Variants in DNAH12 observed in about 807,000 individuals in gnomAD.
DNAH12 encodes dynein axonemal heavy chain 12.
Under a neutral mutation model 371.5 loss-of-function variants are expected in DNAH12, and 285 were observed. The observed-to-expected ratio is 0.77, with a 90% CI of 0.70 to 0.85. DNAH12 has a LOEUF of 0.85. Ranked by LOEUF, DNAH12 falls within the 40% of genes least tolerant of loss-of-function variation. The probability of loss-of-function intolerance (pLI) is 0.00; values close to 1 mark genes in which losing one functional copy is unlikely to be tolerated. For missense variants in DNAH12, 3,611 were observed against 3,689.4 expected, an observed-to-expected ratio of 0.98 and a Z score of 0.55; for synonymous variants, 1,200 against 1,213.0, an observed-to-expected ratio of 0.99 and a Z score of 0.22.
intron 69 of DNAH12, among the ~76,000 whole-genome samples, chr3:57,302,529 G>GTTTATATACATATA (rs879293648): frequency 2.1e-5 from 1 of 47,850 alleles, no homozygotes; most frequent in East Asian, 1.2e-3. Context: ...GGCATCAGGT[G>GTTTATATACATATA]TATATATATA....
intron 62 of DNAH12, among the ~76,000 whole-genome samples, chr3:57,332,724 T>C (rs934690205): frequency 5.3e-5 from 8 of 152,148 alleles, no homozygotes; most frequent in African/African-American, 1.9e-4. Context: ...TGCTGAACAC[T>C]ATGGTGTGTA....
In DNAH12 at chr3:57,472,569, G is replaced by T; in HGVS notation, c.1753C>A (p.Pro585Thr). 2 of 1,549,482 alleles carry T rather than the reference G, an allele frequency of 1.3e-6. No homozygotes were observed. Among genetic ancestry groups the T allele is most frequent in the Non-Finnish European group, 1.7e-6 (2 of 1,146,360 alleles). ...ACCTCATCATTTTCATCAAAGATGG[G>T]ATTAATTTTCCTAGGCCACATGAGG... ...TVLMWPRKINPIFDENDELIE... is the reference protein window; with the variant it reads ...TVLMWPRKINTIFDENDELIE... The change falls in exon 14 of 74, where the codon CCC becomes ACC. Residue 585 changes from proline to threonine, a missense_variant. Around this residue, in one of 3 missense-constraint regions of DNAH12, gnomAD observed 1,314 missense variants for 1,398.7 expected, o/e 0.94. Transcript: ENST00000495027.
intron 72 of DNAH12, among the ~76,000 whole-genome samples, chr3:57,295,804 A>G (rs968444323): frequency 6.6e-6 from 1 of 152,198 alleles, no homozygotes; most frequent in Non-Finnish European, 1.5e-5. Flanking sequence ...GTGGACACAT[A>G]TGAATGTCTG....
intron 32 of DNAH12, among the ~76,000 whole-genome samples, chr3:57,430,135 T>C (rs2064912377): frequency 6.6e-6 from 1 of 152,132 alleles, no homozygotes; most frequent in Non-Finnish European, 1.5e-5. Flanking sequence ...ATAGACCTTT[T>C]TATTAAATTA....
chr3:57,347,721 TAA>T (rs367887966), intron 60 of DNAH12, among the ~76,000 whole-genome samples: 6 of 131,214 alleles, frequency 4.6e-5, no homozygotes, highest in Admixed American at 7.7e-5. Flanking sequence ...GAATCTGTCT[TAA>T]AAAAAAAAAA....
chr3:57,482,831 T>C (rs1461396621), intron 13 of DNAH12, among the ~76,000 whole-genome samples: 2 of 142,990 alleles, frequency 1.4e-5, no homozygotes, highest in Non-Finnish European at 3.0e-5. Context: ...GACAAAAAAC[T>C]AAACACCGCA....
intron 60 of DNAH12, among the ~76,000 whole-genome samples, chr3:57,351,771 A>T (rs2062680975): frequency 6.6e-6 from 1 of 152,172 alleles, no homozygotes; most frequent in Non-Finnish European, 1.5e-5. Context: ...GGTAGTAAGG[A>T]GGTGGTAACT....
upstream of DNAH12, among the ~76,000 whole-genome samples, chr3:57,548,404 A>C (rs1252391583): frequency 6.6e-6 from 1 of 152,200 alleles, no homozygotes. Flanking sequence ...CAAAGGATAA[A>C]AACACTCAAT....
intron 4 of DNAH12, chr3:57,519,798 C>T: frequency 6.7e-7 from 1 of 1,484,526 alleles, no homozygotes; most frequent in South Asian, 1.1e-5. Flanking sequence ...CAACACAGTC[C>T]TCTTGTTTGT....
At chr3:57,503,602 T>C (rs111376328) in intron 9 of DNAH12, among the ~76,000 whole-genome samples, 1 of 152,030 alleles carries the variant, frequency 6.6e-6, no homozygotes, top group Non-Finnish European at 1.5e-5. Context: ...TTGGCCAGGA[T>C]GGTCTTGATC....
intron 43 of DNAH12, among the ~76,000 whole-genome samples, chr3:57,401,418 T>C (rs2063857003): frequency 6.8e-6 from 1 of 147,808 alleles, no homozygotes; most frequent in Admixed American, 6.7e-5. Context: ...GAAAAAATTA[T>C]CCGGGCATGG....
At chr3:57,402,544 G>T in intron 43 of DNAH12, 1 of 780,004 alleles carries the variant, frequency 1.3e-6, no homozygotes, top group Non-Finnish European at 1.9e-6. Flanking sequence ...AGTCCTCTCT[G>T]AACTGGAATA....
At chr3:57,399,974 G>C (rs2153350730) in intron 43 of DNAH12, among the ~76,000 whole-genome samples, 1 of 152,274 alleles carries the variant, frequency 6.6e-6, no homozygotes, top group East Asian at 1.9e-4. Context: ...GCTATTAGTA[G>C]TTATGTTTTG....
In DNAH12 at chr3:57,444,708, C is replaced by A; in HGVS notation, c.4534G>T (p.Ala1512Ser). ...DLFPGIKLPE[A>S]DYHEFLECAH... is the part of the protein sequence containing the mutation. ...ATGGGTTTACTTACGTGATAGTCAG[C>A]TTCAGGAAGTTTAATACCAGGAAAT... The change falls in exon 29 of 74, where the codon GCT (alanine) becomes TCT (serine). Residue 1512 changes from alanine to serine, a missense_variant. By Grantham distance (99) the Ala-to-Ser change is moderately conservative. Transcript: ENST00000495027. The A allele has an allele frequency of 2.6e-6, 4 of 1,550,022 alleles. No homozygotes were observed. In the African/African-American group the frequency reaches 5.5e-5, roughly 21 times the overall value.
chr3:57,320,288 C>G (rs1349857241), intron 65 of DNAH12, among the ~76,000 whole-genome samples: 2 of 152,094 alleles, frequency 1.3e-5, no homozygotes, highest in Non-Finnish European at 2.9e-5. Flanking sequence ...ATTACCAGTT[C>G]CTATAAGAAT....
At chr3:57,422,981 T>C (rs986183552) in intron 35 of DNAH12, among the ~76,000 whole-genome samples, 1 of 152,282 alleles carries the variant, frequency 6.6e-6, no homozygotes, top group East Asian at 1.9e-4. Flanking sequence ...TAAAAATGTA[T>C]ACATGTAAAA....
chr3:57,503,940 G>C (rs1413044479), intron 9 of DNAH12, 76 bp downstream of exon 9: 5 of 1,143,000 alleles, frequency 4.4e-6, no homozygotes, highest in Non-Finnish European at 6.1e-6. Flanking sequence ...TCATAACATT[G>C]TATGTACACA....
rs566724858 is a variant in DNAH12, at chr3:57,422,557, C to T, written c.5374-851G>A. Among the ~76,000 whole-genome samples, 28 of 152,270 alleles carry T rather than the reference C, an allele frequency of 1.8e-4. No individual in the cohort carries two copies. The South Asian group carries it at 5.8e-3, about 32-fold the overall frequency. Reference sequence around the variant, plus strand: ...GTGGTTCACACCTGTAATCCCAGAGCTTTGGAAGGCCAAGGAAGAAGGATT... The same window carrying T: ...GTGGTTCACACCTGTAATCCCAGAGTTTTGGAAGGCCAAGGAAGAAGGATT... On this transcript the variant is annotated intron_variant, in intron 35 of 73. Transcript: ENST00000495027.
intron 62 of DNAH12, among the ~76,000 whole-genome samples, chr3:57,334,066 G>A (rs1167402797): frequency 6.6e-6 from 1 of 152,136 alleles, no homozygotes; most frequent in Non-Finnish European, 1.5e-5. Flanking sequence ...AAATGGGAAA[G>A]GGATTTGTAG....
Sources: allele counts gnomAD v4.1 joint callset (sites outside exome capture counted in the v4.1 genomes callset), GRCh38; gene constraint gnomAD v4.1.1; regional missense constraint gnomAD v4.1.1; transcripts MANE v1.5; gene names NCBI Gene and HGNC (gene_info 2026-07-23, HGNC 2026-07-21).